The following CACNA1E variants were observed in gnomAD, a reference collection of about 807,000 sequenced individuals.
CACNA1E encodes the protein calcium voltage-gated channel subunit alpha1 E.
In CACNA1E, 40 loss-of-function variants were observed where a neutral mutation model predicts 259.2. The ratio of observed to expected loss-of-function variants is 0.15; its 90% CI spans 0.12 to 0.20. The LOEUF (loss-of-function observed/expected upper bound fraction) is 0.20, where lower values mean the gene tolerates loss of function less well. Among genes scored for constraint, CACNA1E ranks in the 10% least tolerant of loss-of-function variants. The pLI, the probability that CACNA1E is intolerant of heterozygous loss-of-function variation, is 1.00. For synonymous variants in CACNA1E, 1,104 were observed against 1,138.5 expected, an observed-to-expected ratio of 0.97 and a Z score of 0.61; for missense variants, 1,874 against 3,040.1, an observed-to-expected ratio of 0.62 and a Z score of 9.02.
chr1:181,600,669 G>C (rs56362001), intron 6 of CACNA1E, among the ~76,000 whole-genome samples: 2 of 152,074 alleles, frequency 1.3e-5, no homozygotes, highest in Admixed American at 6.6e-5. Flanking sequence ...GAGAGAAGGG[G>C]CAGGATGGTT....
intron 1 of CACNA1E, among the ~76,000 whole-genome samples, chr1:181,367,570 TATA>T (rs964484534): frequency 2.1e-4 from 31 of 144,614 alleles, no homozygotes; most frequent in South Asian, 1.1e-3. Context: ...ACTATAATAT[TATA>T]ATACTATAAT....
chr1:181,492,206 A>G (rs191045451), intron 1 of CACNA1E, among the ~76,000 whole-genome samples: 55 of 152,366 alleles, frequency 3.6e-4, no homozygotes, highest in African/African-American at 1.3e-3. Context: ...ATTAATTGGC[A>G]TATAGTATAA....
At chr1:181,393,020 G>A (rs1475567533) in intron 1 of CACNA1E, among the ~76,000 whole-genome samples, 2 of 152,244 alleles carry the variant, frequency 1.3e-5, no homozygotes, top group Non-Finnish European at 2.9e-5. Flanking sequence ...ATCTGTGTTG[G>A]AAGTTATAAT....
At chr1:181,781,391 C>CTCA (rs1660418662) in intron 38 of CACNA1E, 36 bp from the exon 39 acceptor site, 2 of 1,066,332 alleles carry the variant, frequency 1.9e-6, no homozygotes, top group African/African-American at 3.1e-5. Context: ...GCCCCGCTAA[C>CTCA]CCACCCCATC....
At chr1:181,650,487 CAG>C (rs1658659041) in intron 6 of CACNA1E, among the ~76,000 whole-genome samples, 1 of 152,158 alleles carries the variant, frequency 6.6e-6, no homozygotes, top group Admixed American at 6.5e-5. Flanking sequence ...GAGGTGCTGT[CAG>C]GGGAGGAAGA....
intron 6 of CACNA1E, among the ~76,000 whole-genome samples, chr1:181,603,199 G>A (rs1006968593): frequency 2.0e-5 from 3 of 152,206 alleles, no homozygotes; most frequent in African/African-American, 7.2e-5. Context: ...CATTCACAGA[G>A]CACATATTAT....
chr1:181,457,326 G>GT (rs1661525342), intron 2 of CACNA1E, among the ~76,000 whole-genome samples: 1 of 152,226 alleles, frequency 6.6e-6, no homozygotes, highest in East Asian at 1.9e-4. Context: ...CCCGTGGGGG[G>GT]TTAGGATTTC....
chr1:181,785,075 G>C (rs1029631855), intron 41 of CACNA1E, among the ~76,000 whole-genome samples: 8 of 152,072 alleles, frequency 5.3e-5, no homozygotes, highest in Admixed American at 1.3e-4. Context: ...CTCATGTACT[G>C]CTTATCCTCA....
At chr1:181,549,480 T>A (rs909701600) in intron 3 of CACNA1E, among the ~76,000 whole-genome samples, 1 of 152,196 alleles carries the variant, frequency 6.6e-6, no homozygotes, top group Non-Finnish European at 1.5e-5. Context: ...TGCCACAGAC[T>A]GGCAGGGGTG....
At chr1:181,619,935 G>T (rs1356259000) in intron 6 of CACNA1E, among the ~76,000 whole-genome samples, 1 of 152,068 alleles carries the variant, frequency 6.6e-6, no homozygotes, top group Admixed American at 6.5e-5. Context: ...TGAAGTTGGA[G>T]GTGGCTACTA....
At chr1:181,719,965 G>A in intron 13 of CACNA1E, 102 bp downstream of exon 13, 1 of 795,462 alleles carries the variant, frequency 1.3e-6, no homozygotes, top group Non-Finnish European at 2.0e-6. Context: ...TAGGGGGAAA[G>A]TATCCCTTCC....
At chr1:181,719,714 C>T (rs1477552117) in intron 12 of CACNA1E, 37 bp from the exon 13 acceptor site, 1 of 1,171,716 alleles carries the variant, frequency 8.5e-7, no homozygotes, top group East Asian at 2.5e-5. Flanking sequence ...TTCTCCTCTT[C>T]CTCCTCCTCT....
At chr1:181,461,317 G>A (rs11587796) in intron 2 of CACNA1E, among the ~76,000 whole-genome samples, 4,218 of 152,094 alleles carry the variant, frequency 0.028, 70 homozygotes, top group Middle Eastern at 0.061. Context: ...CGAGGCGGGC[G>A]GATCACGAGG....
chr1:181,553,675 CCAT>C (rs1334341496), intron 3 of CACNA1E, among the ~76,000 whole-genome samples: 1 of 152,102 alleles, frequency 6.6e-6, no homozygotes, highest in East Asian at 1.9e-4. Flanking sequence ...GAGATGCGTT[CCAT>C]CAATACCTAG....
At chr1:181,363,735 A>G (rs1037759991) in intron 1 of CACNA1E, among the ~76,000 whole-genome samples, 1 of 152,188 alleles carries the variant, frequency 6.6e-6, no homozygotes, top group African/African-American at 2.4e-5. Flanking sequence ...GGCTCTCTGC[A>G]TGATGATGTG....
intron 7 of CACNA1E, among the ~76,000 whole-genome samples, chr1:181,679,607 C>G (rs1357118180): frequency 6.6e-6 from 1 of 152,142 alleles, no homozygotes; most frequent in Non-Finnish European, 1.5e-5. Context: ...GGCTTGGTCT[C>G]AGGAGGACAG....
chr1:181,510,705 G>T, intron 2 of CACNA1E, 123 bp downstream of exon 2: 1 of 675,678 alleles, frequency 1.5e-6, no homozygotes, highest in South Asian at 1.7e-5. Context: ...GCTCTTTGCT[G>T]GGGGACAAGC....
rs942013716 is a variant in CACNA1E, at chr1:181,485,338, T to G, written c.266+1328T>G. Among the ~76,000 whole-genome samples, 1 of 152,152 alleles carries G rather than the reference T, an allele frequency of 6.6e-6. No individual in the cohort carries two copies. The highest frequency in any genetic ancestry group is 1.5e-5 in the Non-Finnish European group (1 of 68,026). Reference sequence around the variant, plus strand: ...TCTCCCTACTCCCCCAACCCCAGTCTCTGGCCTTCCCCTTCTTCTCTAGTT... The same window carrying G: ...TCTCCCTACTCCCCCAACCCCAGTCGCTGGCCTTCCCCTTCTTCTCTAGTT... On this transcript the variant is annotated intron_variant, in intron 1 of 47. Transcript: ENST00000367573. The surrounding 1 kb of genome is among the most constrained non-coding windows in gnomAD (Gnocchi z 4.2).
Position 181,776,224 on chromosome 1 carries a change from G to T in CACNA1E, c.5263G>T (p.Ala1755Ser). The T allele has an allele frequency of 6.2e-7, 1 of 1,614,008 alleles. No homozygotes were observed. Among genetic ancestry groups the T allele is most frequent in the Admixed American group, 1.7e-5 (1 of 60,036 alleles). ...CGTCTGGGCAGAATATGACCGAGCA[G>T]CATGGTGCGTAGGCCCCTCGGCCGC... is the stretch of plus-strand genomic sequence containing the variant. ...VRVWAEYDRA[A>S]CGRIHYTEMY... Residue 1755 changes from alanine to serine, a missense_variant, in exon 38 of 48, where the codon GCA becomes TCA. By Grantham distance (99) the Ala-to-Ser change is moderately conservative. This residue lies in a region of CACNA1E where 147 missense variants were observed against 337.1 expected (regional missense o/e 0.44). Coordinates refer to ENST00000367573, the MANE Select transcript of CACNA1E (RefSeq NM_001205293.3). This position sits in a 1 kb window ranked among gnomAD's most constrained non-coding sequence, Gnocchi z 4.4.
Sources: allele counts gnomAD v4.1 joint callset (sites outside exome capture counted in the v4.1 genomes callset), GRCh38; gene constraint gnomAD v4.1.1; regional missense constraint gnomAD v4.1.1; non-coding constraint Gnocchi (gnomAD v3.1); transcripts MANE v1.5; gene names NCBI Gene and HGNC (gene_info 2026-07-23, HGNC 2026-07-21).